Variants in TSPAN18 observed in about 807,000 individuals in gnomAD.
The protein encoded by TSPAN18 is tetraspanin 18.
Under a neutral mutation model 27.3 loss-of-function variants are expected in TSPAN18, and 14 were observed. That is an observed-to-expected ratio of 0.51 (90% CI 0.34 to 0.80). The LOEUF (loss-of-function observed/expected upper bound fraction) is 0.80. TSPAN18 is among the 30% of genes least tolerant of loss of function. The pLI, the probability that TSPAN18 is intolerant of heterozygous loss-of-function variation, is 0.01. For missense variants in TSPAN18, 268 were observed against 323.9 expected (o/e 0.83, Z 1.32); for synonymous variants, 143 against 136.5 (o/e 1.05, Z -0.33).
At chr11:44,762,700 G>A (rs948321480) in intron 1 of TSPAN18, among the ~76,000 whole-genome samples, 1 of 151,972 alleles carries the variant, frequency 6.6e-6, no homozygotes, top group African/African-American at 2.4e-5. Context: ...CCTTAGTCTG[G>A]TTCATGATGC....
At chr11:44,805,554 G>T (rs1325223128) in intron 2 of TSPAN18, among the ~76,000 whole-genome samples, 1 of 152,146 alleles carries the variant, frequency 6.6e-6, no homozygotes, top group East Asian at 1.9e-4. Flanking sequence ...GCTGAGCTTT[G>T]CTAATAGTGG....
At chr11:44,835,442 C>G (rs528959655) in intron 2 of TSPAN18, among the ~76,000 whole-genome samples, 1 of 152,158 alleles carries the variant, frequency 6.6e-6, no homozygotes, top group Non-Finnish European at 1.5e-5. Flanking sequence ...AGATCTTCTT[C>G]GTATTTCCTG....
rs71038824 is a variant in TSPAN18 at position 44,867,389 on chromosome 11, CTTTTTTTTTTTTTT to C, written c.-11+6934_-11+6947del. On this transcript the variant is annotated intron_variant, in intron 3 of 9. Transcript: ENST00000520358. Reference sequence around the variant, plus strand: ...ACTGGAGAAGGCTTGGTTTATGAATCTTTTTTTTTTTTTTTTTTTTTTTTTTTCAGACAGAGTCT... The same window carrying C: ...ACTGGAGAAGGCTTGGTTTATGAATCTTTTTTTTTTTTTCAGACAGAGTCT... Among the ~76,000 whole-genome samples the C allele has an allele frequency of 6.7e-3, 402 of 60,438 alleles. 7 individuals carry two copies. The highest frequency in any genetic ancestry group is 0.023 in the South Asian group (27 of 1,176). 39.6% of individuals were successfully genotyped at this position (60,438 alleles called of 152,430 possible).
chr11:44,770,200 C>T (rs1855659936), intron 2 of TSPAN18, among the ~76,000 whole-genome samples: 1 of 152,122 alleles, frequency 6.6e-6, no homozygotes. Flanking sequence ...AAACAGAAAC[C>T]AAACAAATAC....
intron 9 of TSPAN18, among the ~76,000 whole-genome samples, chr11:44,927,001 A>G (rs1860384705): frequency 6.6e-6 from 1 of 152,166 alleles, no homozygotes; most frequent in African/African-American, 2.4e-5. Flanking sequence ...CCTGAGTGTC[A>G]TCCCCACTCC....
chr11:44,880,739 G>A (rs1172322815), intron 3 of TSPAN18, among the ~76,000 whole-genome samples: 2 of 152,364 alleles, frequency 1.3e-5, no homozygotes, highest in Admixed American at 6.5e-5. Context: ...AAGGACCTCT[G>A]TATAATGAAG....
At chr11:44,810,330 C>T (rs1378085257) in intron 2 of TSPAN18, among the ~76,000 whole-genome samples, 2 of 152,150 alleles carry the variant, frequency 1.3e-5, no homozygotes, top group African/African-American at 4.8e-5. Flanking sequence ...AATTCCTCTT[C>T]CTTCTCTATG....
chr11:44,800,759 G>A (rs1318582778), intron 2 of TSPAN18, among the ~76,000 whole-genome samples: 1 of 152,182 alleles, frequency 6.6e-6, no homozygotes, highest in East Asian at 1.9e-4. Context: ...CTAGGATTGG[G>A]GACAGGTGGG....
intron 3 of TSPAN18, among the ~76,000 whole-genome samples, chr11:44,899,626 G>A (rs1859185100): frequency 1.3e-5 from 2 of 152,218 alleles, no homozygotes; most frequent in African/African-American, 2.4e-5. Flanking sequence ...GAGCCACCAT[G>A]TGTCAAGTGC....
rs34560871 is a variant in TSPAN18, at chr11:44,790,563, C to CGT, written c.-153+26061_-153+26062dup. ...GTGCATGTTTGTGTGTGCATGTGTT[C>CGT]GTGTGTGTGTGCATGTGTGTGCATG... On this transcript the variant is annotated intron_variant, in intron 2 of 9. Coordinates refer to ENST00000520358, the MANE Select transcript of TSPAN18 (RefSeq NM_130783.5). 1.1e-4 allele frequency among the ~76,000 whole-genome samples: 12 copies of CGT among 112,866 alleles called. 1 individual carries two copies. Among genetic ancestry groups the CGT allele is most frequent in the East Asian group, 8.0e-4 (3 of 3,734 alleles). 74.0% of individuals were successfully genotyped at this position (112,866 alleles called of 152,430 possible). A position where few individuals can be genotyped will look rare whatever the true frequency, so the allele number is the denominator to read the frequency against.
At chr11:44,886,307 C>A (rs976213154) in intron 3 of TSPAN18, 6 of 152,200 alleles carry the variant, frequency 3.9e-5, no homozygotes, top group Admixed American at 3.9e-4. Flanking sequence ...CAGAGAGGAG[C>A]AGACAAAGTG....
rs527512469 is a variant in TSPAN18 at position 44,834,594 on chromosome 11, G to T, written c.-152-25734G>T. 3.9e-5 allele frequency among the ~76,000 whole-genome samples: 6 copies of T among 152,270 alleles called. No individual in the cohort carries two copies. The South Asian group carries it at 1.2e-3, about 32-fold the overall frequency. ...CATTTTCTCACTTCTCTAGGGAGTT[G>T]GGGAAGTCATAGAGAGAGGGGGTTA... On this transcript the variant is annotated intron_variant, in intron 2 of 9. Transcript: ENST00000520358.
intron 2 of TSPAN18, among the ~76,000 whole-genome samples, chr11:44,796,826 C>T (rs1856361484): frequency 6.6e-6 from 1 of 152,118 alleles, no homozygotes; most frequent in East Asian, 1.9e-4. Flanking sequence ...ATTCCCAGCC[C>T]CCAGACCTGA....
At chr11:44,734,037 T>C (rs1387473885) in intron 1 of TSPAN18, among the ~76,000 whole-genome samples, 2 of 152,102 alleles carry the variant, frequency 1.3e-5, no homozygotes, top group Non-Finnish European at 2.9e-5. Flanking sequence ...ATGCTGTCAG[T>C]TCCCAGGAGA....
chr11:44,907,453 C>T (rs1418647831), intron 4 of TSPAN18, among the ~76,000 whole-genome samples: 1 of 152,236 alleles, frequency 6.6e-6, no homozygotes, highest in Non-Finnish European at 1.5e-5. Flanking sequence ...CTTTCCCTCT[C>T]TATCTCTACC....
chr11:44,919,884 T>A lies in TSPAN18; in HGVS notation c.500T>A (p.Leu167Gln). ...KFASVFRLLT[L>Q]DSEEVPEACC... ...GCATCTGTGTTTCGACTCCTGACCC[T>A]GGATAGTGAAGAGGTGCCGGAGGCC... is the stretch of plus-strand genomic sequence containing the variant. Residue 167 changes from leucine (L) to glutamine (Q), a missense_variant, in exon 8 of 10, where the codon CTG becomes CAG. Physicochemically the swap from Leu to Gln is moderately radical, Grantham distance 113 (BLOSUM62 -2). Coordinates refer to ENST00000520358, the MANE Select transcript of TSPAN18 (RefSeq NM_130783.5). 1 of 1,614,212 alleles carries A rather than the reference T, an allele frequency of 6.2e-7. No homozygotes were observed. Among genetic ancestry groups the A allele is most frequent in the Non-Finnish European group, 8.5e-7 (1 of 1,180,034 alleles).
At chr11:44,790,079 G>A (rs1856156445) in intron 2 of TSPAN18, among the ~76,000 whole-genome samples, 1 of 152,228 alleles carries the variant, frequency 6.6e-6, no homozygotes, top group Non-Finnish European at 1.5e-5. Flanking sequence ...ACTGCCCCTG[G>A]TGGGTCGGGG....
At position 44,931,136 on chromosome 11, in the gene TSPAN18, T is replaced by A. The variant is rs1860546514; in HGVS notation, c.*1958T>A. 2 of 355,378 alleles carry A rather than the reference T, an allele frequency of 5.6e-6. No individual in the cohort carries two copies. Among genetic ancestry groups the A allele is most frequent in the Admixed American group, 7.3e-5 (2 of 27,422 alleles). 22.0% of individuals were successfully genotyped at this position (355,378 alleles called of 1,614,324 possible). A position where few individuals can be genotyped will look rare whatever the true frequency, so the allele number is the denominator to read the frequency against. On this transcript the variant is annotated 3_prime_UTR_variant, in exon 10 of 10. Coordinates refer to ENST00000520358, the MANE Select transcript of TSPAN18 (RefSeq NM_130783.5). ...GCTCAGTGTTACCAAATTCGCCCTT[T>A]AACAGCTTGCTCTGGCAACCCCATA...
chr11:44,735,165 A>T (rs1235541071), intron 1 of TSPAN18, among the ~76,000 whole-genome samples: 10 of 152,072 alleles, frequency 6.6e-5, no homozygotes, highest in Non-Finnish European at 1.3e-4. Flanking sequence ...ATTTATGCTG[A>T]CTCAGGCACG....
Sources: gnomAD v4.1 joint callset for allele counts (sites outside exome capture counted in the v4.1 genomes callset) on GRCh38, gnomAD v4.1.1 for gene constraint, MANE v1.5 for transcripts, NCBI Gene and HGNC (gene_info 2026-07-23, HGNC 2026-07-21) for gene names.